FYB2: variants seen among roughly 807,000 people sequenced by gnomAD.
FYB2 encodes FYN binding protein 2, also known as FYN-binding protein 2.
A neutral mutation model predicts 94.1 loss-of-function variants in FYB2; 103 were observed. The ratio of observed to expected loss-of-function variants is 1.09; its 90% CI spans 0.93 to 1.29. The LOEUF is 1.29. Ranked by LOEUF, FYB2 falls within the 50% of genes most tolerant of loss-of-function variation. FYB2 has a pLI of 0.00. For missense variants in FYB2, 896 were observed against 841.5 expected (o/e 1.06, Z -0.80); for synonymous variants, 293 against 287.9 (o/e 1.02, Z -0.18).
chr1:56,823,574 C>T (rs1647005735), upstream of FYB2: 1 of 152,180 alleles, frequency 6.6e-6, no homozygotes, highest in Admixed American at 6.5e-5. Flanking sequence ...ATGAAGCTCG[C>T]ATCTCAATTT....
the FYB2 span, among the ~76,000 whole-genome samples, chr1:56,826,216 A>AG: frequency 6.6e-6 from 1 of 151,992 alleles, no homozygotes; most frequent in Non-Finnish European, 1.5e-5. Flanking sequence ...TAGTCCTGGG[A>AG]GGGGTACCCC....
intron 5 of FYB2, among the ~76,000 whole-genome samples, chr1:56,766,108 T>C (rs1032988650): frequency 3.9e-5 from 6 of 152,200 alleles, no homozygotes; most frequent in African/African-American, 1.4e-4. Context: ...CAAAGTGTGG[T>C]CTGTAGACCA....
intron 1 of FYB2, among the ~76,000 whole-genome samples, chr1:56,809,989 A>T (rs1275614361): frequency 6.6e-6 from 1 of 152,042 alleles, no homozygotes; most frequent in East Asian, 1.9e-4. Flanking sequence ...ATTTTGTTGA[A>T]GATAGTTGTG....
At chr1:56,739,380 G>C (rs1644900801) in intron 13 of FYB2, among the ~76,000 whole-genome samples, 1 of 151,912 alleles carries the variant, frequency 6.6e-6, no homozygotes, top group Non-Finnish European at 1.5e-5. Context: ...TCCATATCAG[G>C]ACTACAATTT....
chr1:56,820,186 A>G (rs907002689), upstream of FYB2, among the ~76,000 whole-genome samples: 1 of 149,730 alleles, frequency 6.7e-6, no homozygotes, highest in Admixed American at 6.7e-5. Context: ...AGCCGAGATC[A>G]TGCCACTGCA....
In FYB2 at chr1:56,737,111, A is replaced by G. The variant is rs751181247; in HGVS notation, c.1769T>C (p.Val590Ala). 4.4e-6 allele frequency: 7 copies of G among 1,606,802 alleles called. No individual in the cohort carries two copies. The highest frequency in any genetic ancestry group is 2.2e-5 in the East Asian group (1 of 44,578). The change falls in exon 15 of 20, where the codon GTA becomes GCA. Residue 590 changes from valine to alanine, a missense_variant. By Grantham distance (64) the Val-to-Ala change is moderately conservative (BLOSUM62 0). Coordinates refer to ENST00000343433, the MANE Select transcript of FYB2 (RefSeq NM_001004303.5). ...KSQEVIIYDD[V>A]DLSEKESKDE... is the part of the protein sequence containing the mutation. Reference sequence around the variant, plus strand: ...CTTTGACTCTTTTTCACTCAGGTCTACATCATCATAAATAATAACTTCCTG... The same window carrying G: ...CTTTGACTCTTTTTCACTCAGGTCTGCATCATCATAAATAATAACTTCCTG...
At chr1:56,779,942 A>G (rs150501510) in intron 4 of FYB2, among the ~76,000 whole-genome samples, 33 of 152,238 alleles carry the variant, frequency 2.2e-4, no homozygotes, top group African/African-American at 7.9e-4. Context: ...CACCTATAAA[A>G]TGACAATACT....
At chr1:56,723,453 A>G (rs1470773327) in intron 17 of FYB2, 135 bp downstream of exon 17, 2 of 518,358 alleles carry the variant, frequency 3.9e-6, no homozygotes, top group Admixed American at 4.2e-5. Context: ...TAGGAATGAA[A>G]TGCTGGCTTT....
the FYB2 span, among the ~76,000 whole-genome samples, chr1:56,825,742 T>C: frequency 6.6e-6 from 1 of 152,232 alleles, no homozygotes; most frequent in African/African-American, 2.4e-5. Context: ...CACATGTTTA[T>C]TGAACACCTA....
At chr1:56,777,909 T>C (rs1201586894) in intron 4 of FYB2, among the ~76,000 whole-genome samples, 3 of 152,148 alleles carry the variant, frequency 2.0e-5, no homozygotes, top group East Asian at 3.9e-4. Context: ...AATTCAGACC[T>C]TGTCACAATC....
At chr1:56,760,848 G>A (rs1645475569) in intron 5 of FYB2, among the ~76,000 whole-genome samples, 1 of 152,138 alleles carries the variant, frequency 6.6e-6, no homozygotes, top group Non-Finnish European at 1.5e-5. Flanking sequence ...GGCAAGCTAA[G>A]CTATCCAAAC....
At chr1:56,761,547 T>G (rs1305151263) in intron 5 of FYB2, among the ~76,000 whole-genome samples, 1 of 152,202 alleles carries the variant, frequency 6.6e-6, no homozygotes, top group Non-Finnish European at 1.5e-5. Context: ...AAGTACAGTC[T>G]GCAAAGCACT....
chr1:56,759,358 T>C (rs889936267), intron 5 of FYB2, among the ~76,000 whole-genome samples: 2 of 152,146 alleles, frequency 1.3e-5, no homozygotes, highest in African/African-American at 2.4e-5. Flanking sequence ...GTGAATACCA[T>C]AGAACATACT....
intron 9 of FYB2, among the ~76,000 whole-genome samples, chr1:56,747,347 G>A (rs536961106): frequency 3.7e-4 from 56 of 151,592 alleles, no homozygotes; most frequent in Non-Finnish European, 6.2e-4. Context: ...CAATCAACTC[G>A]TCATCTAGGT....
In FYB2 at chr1:56,720,172, C is replaced by T. The variant is rs781034175; in HGVS notation, c.2131+1G>A. The T allele has an allele frequency of 1.2e-6, 2 of 1,604,818 alleles. No individual in the cohort carries two copies. Among genetic ancestry groups the T allele is most frequent in the Admixed American group, 1.7e-5 (1 of 58,484 alleles). On this transcript the variant is annotated splice_donor_variant, in intron 18 of 19. Coordinates refer to ENST00000343433, the MANE Select transcript of FYB2 (RefSeq NM_001004303.5). LOFTEE classifies it high-confidence loss of function. The stretch of plus-strand genomic sequence containing the variant: ...TATGAAAGATAAGCAAATAAACTTA[C>T]ATTTGCCTTTAGAATTACGACATAT...
At chr1:56,737,341 A>G (rs1644850980) in intron 14 of FYB2, 194 bp from the exon 15 acceptor site, 1 of 418,376 alleles carries the variant, frequency 2.4e-6, no homozygotes. Flanking sequence ...AAGAAATTCA[A>G]CTGAAAGATT....
intron 1 of FYB2, among the ~76,000 whole-genome samples, chr1:56,809,850 G>A (rs1172739675): frequency 6.6e-6 from 1 of 152,136 alleles, no homozygotes; most frequent in Non-Finnish European, 1.5e-5. Flanking sequence ...CCTTTACAAA[G>A]CTATTTCACT....
At position 56,720,223 on chromosome 1, in the gene FYB2, A is replaced by G. The variant is rs753946859; in HGVS notation, c.2081T>C (p.Ile694Thr). 9.0e-5 allele frequency: 145 copies of G among 1,612,194 alleles called. No homozygotes were observed. The highest frequency in any genetic ancestry group is 1.1e-4 in the Non-Finnish European group (130 of 1,179,062). ...CACTAGATTTTGTTCGGTGGTATCAATGACTTCCAATTCTTCTCCAGGACT... is the reference window on the plus strand; with the variant it reads ...CACTAGATTTTGTTCGGTGGTATCAGTGACTTCCAATTCTTCTCCAGGACT... Reference protein sequence around the residue: ...PISPGEELEVIDTTEQNLVIC... With the variant: ...PISPGEELEVTDTTEQNLVIC... The change falls in exon 18 of 20, where the codon ATT becomes ACT. Residue 694 changes from isoleucine (I) to threonine (T), a missense_variant. Transcript: ENST00000343433.
intron 2 of FYB2, 56 bp downstream of exon 2, chr1:56,792,000 A>T: frequency 6.6e-7 from 1 of 1,512,484 alleles, no homozygotes; most frequent in Non-Finnish European, 8.8e-7. Context: ...GTTTTCAAGT[A>T]GAAAAACATG....
Sources: gnomAD v4.1 joint callset for allele counts (sites outside exome capture counted in the v4.1 genomes callset) on GRCh38, gnomAD v4.1.1 for gene constraint, MANE v1.5 for transcripts, NCBI Gene and HGNC (gene_info 2026-07-23, HGNC 2026-07-21) for gene names.